AREL1: variants seen among roughly 807,000 people sequenced by gnomAD.
AREL1 encodes apoptosis resistant E3 ubiquitin protein ligase 1.
A neutral mutation model predicts 99.0 loss-of-function variants in AREL1; 62 were observed. The ratio of observed to expected loss-of-function variants is 0.63; its 90% CI spans 0.51 to 0.77. The LOEUF (loss-of-function observed/expected upper bound fraction) is 0.77, where lower values mean the gene tolerates loss of function less well. Ranked by LOEUF, AREL1 falls within the 30% of genes least tolerant of loss-of-function variation. The pLI, the probability that AREL1 is intolerant of heterozygous loss-of-function variation, is 0.00. For missense variants in AREL1, 879 were observed against 1,027.6 expected (o/e 0.86, Z 1.98); for synonymous variants, 380 against 376.5 (o/e 1.01, Z -0.11).
At chr14:74,677,572 T>C (rs1232195262) in intron 5 of AREL1, among the ~76,000 whole-genome samples, 2 of 134,156 alleles carry the variant, frequency 1.5e-5, no homozygotes, top group Admixed American at 8.2e-5. Flanking sequence ...AGTGGCACGA[T>C]CTCGGCTCAC....
At chr14:74,670,147 A>G in intron 13 of AREL1, 21 bp from the exon 14 acceptor site, 2 of 1,569,768 alleles carry the variant, frequency 1.3e-6, no homozygotes, top group South Asian at 1.2e-5. Flanking sequence ...AAGAGACTGA[A>G]AGGCCCTGGG....
At position 74,694,175 on chromosome 14, in the gene AREL1, A is replaced by AAAAT. The variant is rs3080652; in HGVS notation, c.-333-1851_-333-1848dup. ...GGGCAACAGAGCCAGACCCAGTCTC[A>AAAAT]AAATAAATAAATAAATAAATAAATA... On this transcript the variant is annotated intron_variant, in intron 1 of 19. Transcript: ENST00000356357. Among the ~76,000 whole-genome samples the AAAAT allele has an allele frequency of 6.8e-3, 1,024 of 150,664 alleles. 15 individuals are homozygous for AAAAT. Among genetic ancestry groups the AAAAT allele is most frequent in the East Asian group, 0.055 (281 of 5,110 alleles).
Position 74,664,824 on chromosome 14 carries a change from T to G in AREL1, c.2193+12A>C. ...GGCACAAATCCAACTGAAAGAAGTT[T>G]GGTCCATTTACCTTTTCTCTGAAAT... is the stretch of plus-strand genomic sequence containing the variant. On this transcript the variant is annotated intron_variant, in intron 18 of 19. Coordinates refer to ENST00000356357, the MANE Select transcript of AREL1 (RefSeq NM_001039479.2). The G allele has an allele frequency of 6.2e-7, 1 of 1,611,582 alleles. No individual in the cohort carries two copies. Among genetic ancestry groups the G allele is most frequent in the Non-Finnish European group, 8.5e-7 (1 of 1,178,328 alleles).
Position 74,661,467 on chromosome 14 carries a change from C to T in AREL1, c.*2253G>A. ...GAAGGGTAGCTGGCCCCCCAAGTAC[C>T]TGGGTCACAAGGACATAAATAAAAG... On this transcript the variant is annotated 3_prime_UTR_variant, in exon 20 of 20. Coordinates refer to ENST00000356357, the MANE Select transcript of AREL1 (RefSeq NM_001039479.2). 3.0e-6 allele frequency: 1 copy of T among 333,632 alleles called. No homozygotes were observed. The highest frequency in any genetic ancestry group is 7.4e-4 in the Middle Eastern group (1 of 1,344). The allele number at this position is 333,632 out of a possible 1,614,324, so 20.7% of individuals were successfully genotyped here.
intron 14 of AREL1, 48 bp downstream of exon 14, chr14:74,669,899 G>T: frequency 6.3e-7 from 1 of 1,581,440 alleles, no homozygotes; most frequent in Admixed American, 1.8e-5. Context: ...GAGATTTCAG[G>T]GTTAATGGCC....
intron 2 of AREL1, 104 bp downstream of exon 2, chr14:74,691,937 G>A (rs371310034): frequency 4.3e-6 from 1 of 232,874 alleles, no homozygotes; most frequent in South Asian, 4.5e-5. Flanking sequence ...CACTGCAACT[G>A]TATACTTTAA....
chr14:74,689,587 C>CTTTTTTTTTTTTTTTTTTTTTT lies in AREL1; in HGVS notation c.-46+2453_-46+2454insAAAAAAAAAAAAAAAAAAAAAA. On this transcript the variant is annotated intron_variant, in intron 2 of 19. Transcript: ENST00000356357. ...CATTGTTTTTATTTATCTTATAGCA[C>CTTTTTTTTTTTTTTTTTTTTTT]TTTTCTTTTTTTTTTTTTTTTTTTT... Among the ~76,000 whole-genome samples the CTTTTTTTTTTTTTTTTTTTTTT allele has an allele frequency of 4.4e-5, 5 of 113,714 alleles. 2 individuals carry two copies. Among genetic ancestry groups the CTTTTTTTTTTTTTTTTTTTTTT allele is most frequent in the Middle Eastern group, 9.6e-3 (2 of 208 alleles). The allele number at this position is 113,714 out of a possible 152,430, so 74.6% of individuals were successfully genotyped here.
chr14:74,665,979 G>A (rs761529429), intron 17 of AREL1, among the ~76,000 whole-genome samples: 2 of 152,166 alleles, frequency 1.3e-5, no homozygotes, highest in Non-Finnish European at 2.9e-5. Context: ...GCTTCAAAAT[G>A]TAACAAAATT....
chr14:74,687,553 G>A (rs1427758974), intron 2 of AREL1, among the ~76,000 whole-genome samples: 1 of 152,104 alleles, frequency 6.6e-6, no homozygotes, highest in South Asian at 2.1e-4. Flanking sequence ...AGGATAAGGG[G>A]GCAGACTCTA....
intron 1 of AREL1, among the ~76,000 whole-genome samples, chr14:74,708,119 G>A (rs1344088750): frequency 6.6e-6 from 1 of 152,158 alleles, no homozygotes; most frequent in African/African-American, 2.4e-5. Context: ...TTTCTTAGAT[G>A]TGACAGTATG....
At chr14:74,670,724 C>T (rs1471057430) in intron 13 of AREL1, 38 bp downstream of exon 13, 1 of 1,568,624 alleles carries the variant, frequency 6.4e-7, no homozygotes, top group African/African-American at 1.3e-5. Flanking sequence ...CCCATGATAA[C>T]ATAATCCACA....
chr14:74,667,146 T>C (rs550729132), intron 17 of AREL1, among the ~76,000 whole-genome samples, 173 bp downstream of exon 17: 1 of 152,160 alleles, frequency 6.6e-6, no homozygotes, highest in Non-Finnish European at 1.5e-5. Context: ...ATTTTCACAT[T>C]CTAATTTTTT....
intron 9 of AREL1, 38 bp from the exon 10 acceptor site, chr14:74,673,256 C>T: frequency 6.2e-7 from 1 of 1,608,628 alleles, no homozygotes; most frequent in Non-Finnish European, 8.5e-7. Flanking sequence ...CTATAAAACC[C>T]TCAAGGCCAG....
At chr14:74,678,128 T>C (rs1270682662) in intron 5 of AREL1, 1 of 444,654 alleles carries the variant, frequency 2.2e-6, no homozygotes, top group Non-Finnish European at 4.5e-6. Context: ...GCAAAGGAAC[T>C]AGAATACTAA....
chr14:74,679,928 G>A (rs1333537174), intron 5 of AREL1, among the ~76,000 whole-genome samples: 2 of 152,076 alleles, frequency 1.3e-5, no homozygotes, highest in African/African-American at 4.8e-5. Context: ...TGTAATCCCA[G>A]CACTTTTTGG....
chr14:74,680,593 A>G (rs534781659), intron 5 of AREL1, among the ~76,000 whole-genome samples: 2 of 152,358 alleles, frequency 1.3e-5, no homozygotes, highest in South Asian at 4.1e-4. Context: ...CTGTAAGTGA[A>G]TATTTATAGC....
chr14:74,678,071 A>T (rs1303726499), intron 5 of AREL1: 1 of 387,512 alleles, frequency 2.6e-6, no homozygotes, highest in Non-Finnish European at 5.0e-6. Context: ...TTCCAGCAAG[A>T]TTATTTATAG....
chr14:74,712,060 A>AG (rs2090313655), intron 1 of AREL1: 2 of 47,422 alleles, frequency 4.2e-5, no homozygotes, highest in African/African-American at 8.3e-5. Context: ...AAAAAAAAAA[A>AG]AAAAAAAGAA....
At chr14:74,699,756 A>G (rs2090048996) in intron 1 of AREL1, among the ~76,000 whole-genome samples, 1 of 152,224 alleles carries the variant, frequency 6.6e-6, no homozygotes, top group Non-Finnish European at 1.5e-5. Context: ...AGTTTCCAAG[A>G]ACCTATCAAC....
Sources: allele counts gnomAD v4.1 joint callset (sites outside exome capture counted in the v4.1 genomes callset), GRCh38; gene constraint gnomAD v4.1.1; transcripts MANE v1.5; gene names NCBI Gene and HGNC (gene_info 2026-07-23, HGNC 2026-07-21).